Variants in PRELID2 observed in about 807,000 individuals in gnomAD.
The protein encoded by PRELID2 is PRELI domain-containing protein 2.
PRELID2 carries 25 observed loss-of-function variants against 28.4 expected under a neutral mutation model. That is an observed-to-expected ratio of 0.88 (90% CI 0.64 to 1.23). The LOEUF is 1.23. Ranked by LOEUF, PRELID2 falls within the 50% of genes most tolerant of loss-of-function variation. The pLI, the probability that PRELID2 is intolerant of heterozygous loss-of-function variation, is 0.00. For missense variants in PRELID2, 201 were observed against 214.4 expected (o/e 0.94, Z 0.39); for synonymous variants, 76 against 71.6 (o/e 1.06, Z -0.31).
intron 4 of PRELID2, among the ~76,000 whole-genome samples, chr5:145,801,754 GTTC>G (rs1245213578): frequency 6.6e-6 from 1 of 152,154 alleles, no homozygotes; most frequent in Non-Finnish European, 1.5e-5. Context: ...TGACACAACT[GTTC>G]TTCTAGTGCA....
intron 1 of PRELID2, among the ~76,000 whole-genome samples, chr5:145,579,711 G>A (rs1224520562): frequency 6.6e-6 from 1 of 152,032 alleles, no homozygotes; most frequent in Non-Finnish European, 1.5e-5. Flanking sequence ...TTGGATCGAG[G>A]CTGAGCCCCC....
the PRELID2 span, among the ~76,000 whole-genome samples, chr5:145,251,688 T>C: frequency 6.6e-6 from 1 of 152,176 alleles, no homozygotes; most frequent in Non-Finnish European, 1.5e-5. Flanking sequence ...TTCTGCATTT[T>C]CTGTCTCTAG....
chr5:145,417,150 G>A, the PRELID2 span, among the ~76,000 whole-genome samples: 1 of 152,028 alleles, frequency 6.6e-6, no homozygotes, highest in Admixed American at 6.6e-5. Context: ...AGAAAATCTA[G>A]AAGTGGATAA....
intron 4 of PRELID2, among the ~76,000 whole-genome samples, chr5:145,801,198 T>C (rs1753117642): frequency 6.6e-6 from 1 of 152,228 alleles, no homozygotes; most frequent in Non-Finnish European, 1.5e-5. Context: ...ATCACTTTTA[T>C]GTAAATAAAT....
chr5:145,606,489 T>C (rs2149641718), intron 1 of PRELID2, among the ~76,000 whole-genome samples: 1 of 152,294 alleles, frequency 6.6e-6, no homozygotes, highest in South Asian at 2.1e-4. Context: ...GGATGTTGAA[T>C]TTTAAACAAA....
At chr5:145,335,156 T>C in the PRELID2 span, among the ~76,000 whole-genome samples, 6 of 152,004 alleles carry the variant, frequency 3.9e-5, no homozygotes, top group African/African-American at 1.4e-4. Flanking sequence ...TTCACCTTCC[T>C]TCACTCTTTT....
At chr5:145,767,341 C>T (rs1220288509) in intron 5 of PRELID2, among the ~76,000 whole-genome samples, 1 of 152,078 alleles carries the variant, frequency 6.6e-6, no homozygotes. Flanking sequence ...TTTCCAGCTC[C>T]CCATCCCGCT....
chr5:145,279,909 C>T, the PRELID2 span, among the ~76,000 whole-genome samples: 1 of 151,644 alleles, frequency 6.6e-6, no homozygotes, highest in South Asian at 2.1e-4. Flanking sequence ...CATGGATTTT[C>T]AATGATTCAT....
intron 5 of PRELID2, among the ~76,000 whole-genome samples, chr5:145,792,807 A>C (rs1438301058): frequency 2.0e-5 from 3 of 152,222 alleles, no homozygotes; most frequent in Admixed American, 6.5e-5. Flanking sequence ...TGAAAACTAA[A>C]ACATATTTTG....
At chr5:145,393,657 C>T in the PRELID2 span, among the ~76,000 whole-genome samples, 1 of 152,198 alleles carries the variant, frequency 6.6e-6, no homozygotes, top group Non-Finnish European at 1.5e-5. Context: ...GACTGAAACT[C>T]AGCTGCTGTG....
chr5:145,677,961 A>G (rs1414243605), intron 1 of PRELID2, among the ~76,000 whole-genome samples: 1 of 152,222 alleles, frequency 6.6e-6, no homozygotes, highest in Non-Finnish European at 1.5e-5. Flanking sequence ...TTGTAAATCA[A>G]TGCTGTGACA....
At chr5:145,457,389 T>C in the PRELID2 span, among the ~76,000 whole-genome samples, 4 of 152,274 alleles carry the variant, frequency 2.6e-5, no homozygotes, top group Non-Finnish European at 5.9e-5. Flanking sequence ...TCAACTTCCC[T>C]TTCTCTCCCC....
At chr5:145,306,469 T>C in the PRELID2 span, among the ~76,000 whole-genome samples, 2 of 152,078 alleles carry the variant, frequency 1.3e-5, no homozygotes, top group Non-Finnish European at 2.9e-5. Flanking sequence ...TTTTTCAGTT[T>C]AATAGAAAAA....
At chr5:145,433,971 A>G in the PRELID2 span, among the ~76,000 whole-genome samples, 3 of 152,186 alleles carry the variant, frequency 2.0e-5, no homozygotes, top group Non-Finnish European at 4.4e-5. Flanking sequence ...AGGCAGTCTC[A>G]GGATGTTGAC....
At chr5:145,774,528 T>C (rs1235586159) in intron 5 of PRELID2, among the ~76,000 whole-genome samples, 1 of 152,232 alleles carries the variant, frequency 6.6e-6, no homozygotes. Flanking sequence ...GATTTATATA[T>C]GGACTCTATC....
At chr5:145,596,958 T>C (rs773292618) in intron 1 of PRELID2, among the ~76,000 whole-genome samples, 12 of 152,078 alleles carry the variant, frequency 7.9e-5, no homozygotes, top group Admixed American at 7.2e-4. Flanking sequence ...TGTTCCATAG[T>C]CCATTGAGAA....
At chr5:145,833,964 AG>A (rs1323581094) in intron 1 of PRELID2, among the ~76,000 whole-genome samples, 3 of 152,252 alleles carry the variant, frequency 2.0e-5, no homozygotes, top group African/African-American at 7.2e-5. Flanking sequence ...AACCACGCAT[AG>A]AACCAGATCA....
intron 1 of PRELID2, among the ~76,000 whole-genome samples, chr5:145,828,407 G>T (rs1561658474): frequency 6.6e-6 from 1 of 152,016 alleles, no homozygotes; most frequent in South Asian, 2.1e-4. Flanking sequence ...TACATTGCTG[G>T]CATCTATCTG....
At chr5:145,790,421 A>G (rs1752289351) in intron 5 of PRELID2, among the ~76,000 whole-genome samples, 1 of 152,084 alleles carries the variant, frequency 6.6e-6, no homozygotes, top group Non-Finnish European at 1.5e-5. Context: ...TGTAAAATCT[A>G]AAAAAGTTAA....
Sources: allele counts gnomAD v4.1 joint callset (sites outside exome capture counted in the v4.1 genomes callset), GRCh38; gene constraint gnomAD v4.1.1; transcripts MANE v1.5; gene names NCBI Gene and HGNC (gene_info 2026-07-23, HGNC 2026-07-21).